Variants in DOCK2 observed in about 807,000 individuals in gnomAD.
DOCK2 encodes dedicator of cytokinesis 2.
DOCK2 carries 87 observed loss-of-function variants against 248.9 expected under a neutral mutation model. The observed-to-expected ratio is 0.35, with a 90% CI of 0.29 to 0.42. The LOEUF is 0.42. DOCK2 is among the 10% of genes least tolerant of loss of function. The probability of loss-of-function intolerance (pLI) is 1.00; values close to 1 mark genes in which losing one functional copy is unlikely to be tolerated. For synonymous variants in DOCK2, 805 were observed against 821.6 expected, an observed-to-expected ratio of 0.98 and a Z score of 0.35; for missense variants, 1,747 against 2,300.2, an observed-to-expected ratio of 0.76 and a Z score of 4.92.
At chr5:170,011,214 T>C (rs938284616) in intron 32 of DOCK2, among the ~76,000 whole-genome samples, 1 of 152,164 alleles carries the variant, frequency 6.6e-6, no homozygotes, top group Admixed American at 6.5e-5. Context: ...ACTTCTCTTG[T>C]AGAGGGTTTT....
chr5:169,853,957 TC>T (rs1005026952), intron 27 of DOCK2, among the ~76,000 whole-genome samples: 5 of 149,466 alleles, frequency 3.3e-5, no homozygotes, highest in Non-Finnish European at 7.4e-5. Context: ...TGCCTCAGCC[TC>T]CCGAGTAGCT....
chr5:169,817,633 A>G (rs1350396974), intron 26 of DOCK2, among the ~76,000 whole-genome samples: 1 of 152,110 alleles, frequency 6.6e-6, no homozygotes, highest in East Asian at 1.9e-4. Flanking sequence ...AATTTCCCTT[A>G]TATTTGCCTT....
chr5:169,745,469 C>T lies in DOCK2; in HGVS notation c.2268-1927C>T, dbSNP rs571189529. 2.0e-5 allele frequency among the ~76,000 whole-genome samples: 3 copies of T among 152,300 alleles called. No individual in the cohort carries two copies. In the East Asian group the frequency reaches 5.8e-4, roughly 29 times the overall value. On this transcript the variant is annotated intron_variant, in intron 22 of 51. Transcript: ENST00000520908. The stretch of plus-strand genomic sequence containing the variant: ...ATCCTCGCAATCCTCTGACACAGTA[C>T]TGTTATGGTTTACACTTTGCCCAAG...
intron 2 of DOCK2, among the ~76,000 whole-genome samples, chr5:169,655,914 G>A (rs922334563): frequency 4.6e-5 from 7 of 152,146 alleles, no homozygotes; most frequent in African/African-American, 1.7e-4. Flanking sequence ...ATTTTTACTT[G>A]GGGTTGTAGA....
At position 169,673,663 on chromosome 5, in the gene DOCK2, T is replaced by C. The variant is rs557843201; in HGVS notation, c.322-634T>C. 7.3e-4 allele frequency among the ~76,000 whole-genome samples: 111 copies of C among 152,348 alleles called. 1 individual carries two copies. The highest frequency in any genetic ancestry group is 2.5e-3 in the African/African-American group (105 of 41,584). On this transcript the variant is annotated intron_variant, in intron 5 of 51. Coordinates refer to ENST00000520908, the MANE Select transcript of DOCK2 (RefSeq NM_004946.3). Reference sequence around the variant, plus strand: ...AGCCTCCGGAACATGCTTGCTATTGTACCTGTCAAAAGCTCTGAGTCCAAA... The same window carrying C: ...AGCCTCCGGAACATGCTTGCTATTGCACCTGTCAAAAGCTCTGAGTCCAAA...
chr5:170,006,530 C>T (rs1207826165), intron 30 of DOCK2, among the ~76,000 whole-genome samples: 2 of 152,026 alleles, frequency 1.3e-5, no homozygotes, highest in Non-Finnish European at 2.9e-5. Flanking sequence ...TCAGGCTGGT[C>T]TCGAATGATC....
chr5:169,958,286 T>G (rs181076260), intron 27 of DOCK2, among the ~76,000 whole-genome samples: 2 of 152,268 alleles, frequency 1.3e-5, no homozygotes, highest in East Asian at 3.9e-4. Flanking sequence ...AATAAGAAGC[T>G]TATGAATCTA....
At chr5:170,044,985 T>C (rs916611393) in intron 38 of DOCK2, among the ~76,000 whole-genome samples, 5 of 152,230 alleles carry the variant, frequency 3.3e-5, no homozygotes, top group African/African-American at 1.2e-4. Flanking sequence ...AGGTGATCTA[T>C]TGACTCTCGT....
intron 25 of DOCK2, among the ~76,000 whole-genome samples, chr5:169,765,592 T>A (rs1181727037): frequency 6.6e-6 from 1 of 152,228 alleles, no homozygotes; most frequent in African/African-American, 2.4e-5. Flanking sequence ...TTTAGTCTGA[T>A]GCTAATCAGA....
At chr5:169,643,262 TG>T in intron 1 of DOCK2, among the ~76,000 whole-genome samples, 1 of 152,192 alleles carries the variant, frequency 6.6e-6, no homozygotes. Flanking sequence ...AAAGTCATGG[TG>T]GCAGAAACTG....
intron 36 of DOCK2, among the ~76,000 whole-genome samples, chr5:170,037,480 A>AAT (rs1554127661): frequency 7.4e-6 from 1 of 134,460 alleles, no homozygotes; most frequent in Non-Finnish European, 1.6e-5. Context: ...ACAAAAACAA[A>AAT]TTTTTTTTTT....
intron 6 of DOCK2, among the ~76,000 whole-genome samples, chr5:169,677,203 C>T (rs1759381270): frequency 6.6e-6 from 1 of 152,198 alleles, no homozygotes; most frequent in African/African-American, 2.4e-5. Context: ...TAAATTCCTA[C>T]AGCTACAAGA....
intron 49 of DOCK2, 84 bp from the exon 50 acceptor site, chr5:170,080,079 A>G: frequency 1.3e-6 from 2 of 1,585,174 alleles, no homozygotes; most frequent in South Asian, 2.3e-5. Context: ...CGCCCTCCTC[A>G]CTGATCTTTC....
chr5:170,072,262 T>C (rs1011618126), intron 46 of DOCK2, among the ~76,000 whole-genome samples: 24 of 152,204 alleles, frequency 1.6e-4, no homozygotes, highest in African/African-American at 5.5e-4. Context: ...TAAATTGTAT[T>C]ATACAGTACA....
At chr5:169,969,581 T>C (rs897097236) in intron 27 of DOCK2, among the ~76,000 whole-genome samples, 3 of 152,076 alleles carry the variant, frequency 2.0e-5, no homozygotes, top group South Asian at 4.2e-4. Context: ...GAATTCAGAG[T>C]GGACAGCTTT....
At chr5:169,760,271 CT>C (rs1025604696) in intron 24 of DOCK2, among the ~76,000 whole-genome samples, 1 of 134,136 alleles carries the variant, frequency 7.5e-6, no homozygotes, top group African/African-American at 2.5e-5. Context: ...GATATACCTT[CT>C]TCTTTTTAAA....
chr5:169,706,525 C>A (rs900292998), intron 14 of DOCK2, among the ~76,000 whole-genome samples: 1 of 152,108 alleles, frequency 6.6e-6, no homozygotes, highest in South Asian at 2.1e-4. Flanking sequence ...CTGAATTAAG[C>A]GAGGTGGTGT....
intron 22 of DOCK2, among the ~76,000 whole-genome samples, chr5:169,739,797 T>A (rs1763218482): frequency 6.6e-6 from 1 of 152,208 alleles, no homozygotes; most frequent in Admixed American, 6.5e-5. Context: ...TTATACCAAC[T>A]GGGCCATAGA....
chr5:169,881,005 A>T (rs539100581), intron 27 of DOCK2, among the ~76,000 whole-genome samples: 1 of 152,274 alleles, frequency 6.6e-6, no homozygotes, highest in East Asian at 1.9e-4. Flanking sequence ...GGATTTGAAA[A>T]ATCTGGATGT....
Sources: gnomAD v4.1 joint callset for allele counts (sites outside exome capture counted in the v4.1 genomes callset) on GRCh38, gnomAD v4.1.1 for gene constraint, MANE v1.5 for transcripts, NCBI Gene and HGNC (gene_info 2026-07-23, HGNC 2026-07-21) for gene names.